ADCY8: variants seen among roughly 807,000 people sequenced by gnomAD.
ADCY8 encodes the protein adenylate cyclase type 8.
Under a neutral mutation model 119.7 loss-of-function variants are expected in ADCY8, and 51 were observed. That is an observed-to-expected ratio of 0.43 (90% CI 0.34 to 0.54). The LOEUF is 0.54. Ranked by LOEUF, ADCY8 falls within the 20% of genes least tolerant of loss-of-function variation. ADCY8 has a pLI of 0.03. For missense variants in ADCY8, 1,383 were observed against 1,598.8 expected (o/e 0.87, Z 2.30); for synonymous variants, 665 against 651.0 (o/e 1.02, Z -0.33).
intron 5 of ADCY8, among the ~76,000 whole-genome samples, chr8:130,918,297 G>T (rs1483533871): frequency 2.0e-5 from 3 of 152,152 alleles, no homozygotes; most frequent in African/African-American, 7.2e-5. Flanking sequence ...CCTTCCTACT[G>T]TGCCCCTACA....
At chr8:130,794,485 C>A (rs1815519504) in intron 15 of ADCY8, among the ~76,000 whole-genome samples, 1 of 152,184 alleles carries the variant, frequency 6.6e-6, no homozygotes, top group Non-Finnish European at 1.5e-5. Context: ...ACCTCGTGAT[C>A]CGCCTGCCTC....
chr8:131,011,664 T>C (rs1823308550), intron 1 of ADCY8, among the ~76,000 whole-genome samples: 1 of 152,152 alleles, frequency 6.6e-6, no homozygotes, highest in Non-Finnish European at 1.5e-5. Context: ...TGATGTGTAT[T>C]GAAGGACCTG....
intron 1 of ADCY8, among the ~76,000 whole-genome samples, chr8:131,010,320 T>C (rs57811078): frequency 0.017 from 2,640 of 152,270 alleles, 100 homozygotes; most frequent in East Asian, 0.16. Flanking sequence ...ATCATGTGCA[T>C]AATAAAATCC....
chr8:130,812,850 C>T (rs1269600847), intron 14 of ADCY8, among the ~76,000 whole-genome samples: 6 of 151,916 alleles, frequency 3.9e-5, no homozygotes, highest in Non-Finnish European at 7.3e-5. Flanking sequence ...ACATGTATCA[C>T]ACATATATGC....
intron 5 of ADCY8, among the ~76,000 whole-genome samples, chr8:130,936,868 T>C (rs764503511): frequency 8.5e-5 from 13 of 152,204 alleles, no homozygotes; most frequent in African/African-American, 2.4e-5. Flanking sequence ...GCACAAATAA[T>C]TAAAAGTGAG....
intron 6 of ADCY8, among the ~76,000 whole-genome samples, chr8:130,906,111 G>A (rs1387659187): frequency 6.6e-6 from 1 of 152,208 alleles, no homozygotes; most frequent in Non-Finnish European, 1.5e-5. Flanking sequence ...ATGTGTGAAA[G>A]ATGTTTTCAC....
chr8:130,995,518 T>A (rs1268475898), intron 1 of ADCY8, among the ~76,000 whole-genome samples: 1 of 152,164 alleles, frequency 6.6e-6, no homozygotes, highest in African/African-American at 2.4e-5. Flanking sequence ...GATCGTTTGA[T>A]CCTCTTCAAG....
At chr8:130,840,533 G>C (rs990705354) in intron 11 of ADCY8, among the ~76,000 whole-genome samples, 1 of 152,088 alleles carries the variant, frequency 6.6e-6, no homozygotes, top group Admixed American at 6.6e-5. Flanking sequence ...ACAACAAAGA[G>C]TTTTCAAAAT....
At chr8:130,926,971 C>T (rs955816751) in intron 5 of ADCY8, among the ~76,000 whole-genome samples, 1 of 141,948 alleles carries the variant, frequency 7.0e-6, no homozygotes, top group Non-Finnish European at 1.5e-5. Context: ...ACACACACCA[C>T]ATTTTTCTTT....
At chr8:130,933,637 G>A (rs1402436811) in intron 5 of ADCY8, among the ~76,000 whole-genome samples, 1 of 152,120 alleles carries the variant, frequency 6.6e-6, no homozygotes, top group African/African-American at 2.4e-5. Flanking sequence ...GATTCATACA[G>A]TTTGAAAAAG....
At position 130,990,562 on chromosome 8, in the gene ADCY8, G is replaced by T; in HGVS notation, c.961-20C>A. The T allele has an allele frequency of 2.5e-6, 4 of 1,603,004 alleles. No homozygotes were observed. The highest frequency in any genetic ancestry group is 1.7e-4 in the Middle Eastern group (1 of 5,892). On this transcript the variant is annotated intron_variant, in intron 1 of 17. Coordinates refer to ENST00000286355, the MANE Select transcript of ADCY8 (RefSeq NM_001115.3). ...CACAACCTAAAATAAACACAGTCTGGTCAGGCGCTTAAAACAAAAGCTATT... is the reference window on the plus strand; with the variant it reads ...CACAACCTAAAATAAACACAGTCTGTTCAGGCGCTTAAAACAAAAGCTATT...
intron 12 of ADCY8, among the ~76,000 whole-genome samples, chr8:130,825,827 G>A (rs142851616): frequency 1.6e-3 from 237 of 152,238 alleles, no homozygotes; most frequent in African/African-American, 5.5e-3. Flanking sequence ...CTCTGGTGTG[G>A]TCTGTGCCTG....
At chr8:131,008,879 A>G (rs961243878) in intron 1 of ADCY8, among the ~76,000 whole-genome samples, 3 of 152,044 alleles carry the variant, frequency 2.0e-5, no homozygotes, top group Non-Finnish European at 4.4e-5. Context: ...AGCAATGGTG[A>G]CCCTTGCTAT....
intron 2 of ADCY8, among the ~76,000 whole-genome samples, chr8:130,986,462 G>A (rs1373383917): frequency 3.9e-5 from 6 of 152,218 alleles, no homozygotes; most frequent in African/African-American, 1.4e-4. Context: ...AGTCTTTAGA[G>A]ATTGTGGAGA....
intron 1 of ADCY8, among the ~76,000 whole-genome samples, chr8:131,019,182 C>T (rs1235739294): frequency 6.6e-6 from 1 of 152,120 alleles, no homozygotes; most frequent in African/African-American, 2.4e-5. Flanking sequence ...TAGCATTGCA[C>T]AAATAGGGTA....
chr8:130,976,067 GAA>G (rs1222679340), intron 2 of ADCY8, among the ~76,000 whole-genome samples: 1 of 152,136 alleles, frequency 6.6e-6, no homozygotes, highest in Non-Finnish European at 1.5e-5. Flanking sequence ...TGGTGGTGTG[GAA>G]AAGACCTTTA....
intron 8 of ADCY8, among the ~76,000 whole-genome samples, chr8:130,872,935 T>A (rs1398642593): frequency 2.6e-5 from 4 of 152,210 alleles, no homozygotes. Flanking sequence ...GGCCCTGAAT[T>A]ATCTTGAAAG....
intron 15 of ADCY8, among the ~76,000 whole-genome samples, chr8:130,785,689 G>T (rs1297588814): frequency 6.6e-6 from 1 of 152,184 alleles, no homozygotes; most frequent in African/African-American, 2.4e-5. Context: ...GGTGTAAATT[G>T]GTACTCTTTA....
chr8:130,963,873 G>A (rs1189064979), intron 2 of ADCY8, among the ~76,000 whole-genome samples: 1 of 152,146 alleles, frequency 6.6e-6, no homozygotes, highest in Non-Finnish European at 1.5e-5. Flanking sequence ...CCAAGTGTCA[G>A]AAAGATTATG....
Sources: allele counts gnomAD v4.1 joint callset (sites outside exome capture counted in the v4.1 genomes callset), GRCh38; gene constraint gnomAD v4.1.1; transcripts MANE v1.5; gene names NCBI Gene and HGNC (gene_info 2026-07-23, HGNC 2026-07-21).